Variants in SLIT2 observed in about 807,000 individuals in gnomAD.
SLIT2 encodes the protein slit homolog 2 protein.
Under a neutral mutation model 185.7 loss-of-function variants are expected in SLIT2, and 41 were observed. That is an observed-to-expected ratio of 0.22 (90% CI 0.17 to 0.29). SLIT2 has a LOEUF of 0.29. Among genes scored for constraint, SLIT2 ranks in the 10% least tolerant of loss-of-function variants. The pLI is 1.00. For missense variants in SLIT2, 1,571 were observed against 1,909.0 expected, an observed-to-expected ratio of 0.82 and a Z score of 3.30; for synonymous variants, 693 against 680.2, an observed-to-expected ratio of 1.02 and a Z score of -0.29.
At chr4:20,399,403 C>T (rs562972661) in intron 4 of SLIT2, among the ~76,000 whole-genome samples, 88 of 151,706 alleles carry the variant, frequency 5.8e-4, no homozygotes, top group Non-Finnish European at 1.1e-3. Context: ...TGTCCCTGGG[C>T]GAACCATAAA....
Position 20,542,527 on chromosome 4 carries a change from G to A in SLIT2, c.2177G>A (p.Arg726His), listed in dbSNP as rs762189011. Residue 726 changes from arginine to histidine, a missense_variant, in exon 21 of 37, where the codon CGC becomes CAC. By Grantham distance (29) the Arg-to-His change is conservative. This residue lies in a region of SLIT2 where 1,202 missense variants were observed against 1,416.4 expected (regional missense o/e 0.85). Coordinates refer to ENST00000504154, the MANE Select transcript of SLIT2 (RefSeq NM_004787.4). Reference sequence around the variant, plus strand: ...GACAATAGTTGCTCCCCACTTTCTCGCTGTCCTACTGAATGTACTTGCTTG... The same window carrying A: ...GACAATAGTTGCTCCCCACTTTCTCACTGTCCTACTGAATGTACTTGCTTG... ...NDDNSCSPLSRCPTECTCLDT... is the reference protein window; with the variant it reads ...NDDNSCSPLSHCPTECTCLDT... The A allele has an allele frequency of 3.1e-5, 50 of 1,613,382 alleles. No homozygotes were observed. The highest frequency in any genetic ancestry group is 8.3e-5 in the Admixed American group (5 of 59,942).
Position 20,419,955 on chromosome 4 carries a change from G to A in SLIT2, c.396-47797G>A, listed in dbSNP as rs1232330325. 3.3e-5 allele frequency among the ~76,000 whole-genome samples: 5 copies of A among 152,086 alleles called. No individual in the cohort carries two copies. In the East Asian group the frequency reaches 9.7e-4, roughly 30 times the overall value. On this transcript the variant is annotated intron_variant, in intron 4 of 36. Transcript: ENST00000504154. ...CACAGATTTAAAGTAAGTCAATGTG[G>A]AACATTAACATGGCTCATGCAGGTT...
At chr4:20,482,493 G>T (rs1381970308) in intron 6 of SLIT2, among the ~76,000 whole-genome samples, 1 of 151,838 alleles carries the variant, frequency 6.6e-6, no homozygotes, top group African/African-American at 2.4e-5. Context: ...TAATATCGTT[G>T]TCTTCAGAAG....
In SLIT2 at chr4:20,531,757, G is replaced by T. The variant is rs1173897379; in HGVS notation, c.1614-227G>T. 1.1e-4 allele frequency among the ~76,000 whole-genome samples: 16 copies of T among 140,692 alleles called. No homozygotes were observed. In the East Asian group the frequency reaches 2.6e-3, roughly 23 times the overall value. The allele number at this position is 140,692 out of a possible 152,430, so 92.3% of individuals were successfully genotyped here. A position where few individuals can be genotyped will look rare whatever the true frequency, so the allele number is the denominator to read the frequency against. On this transcript the variant is annotated intron_variant, in intron 16 of 36. Transcript: ENST00000504154. The stretch of plus-strand genomic sequence containing the variant: ...ACTGAGAGCTGGTTTTGATCTTTGT[G>T]TTTTTTTTTTTTTACTGTGTGCTTC...
At position 20,519,370 on chromosome 4, in the gene SLIT2, T is replaced by C. The variant is rs519813; in HGVS notation, c.1059-12T>C. ...GGTGTCTAATTTTTTTCATTTAAAA[T>C]ATTTTTTTCAGTGTCCTCTATGGAA... On this transcript the variant is annotated splice_polypyrimidine_tract_variant and intron_variant, in intron 11 of 36. Transcript: ENST00000504154. 0.88 allele frequency: 1,257,175 copies of C among 1,427,054 alleles called. 554,666 individuals are homozygous for C. Among genetic ancestry groups the C allele is most frequent in the East Asian group, 0.99 (43,378 of 43,828 alleles). The allele number at this position is 1,427,054 out of a possible 1,614,324, so 88.4% of individuals were successfully genotyped here.
intron 4 of SLIT2, among the ~76,000 whole-genome samples, chr4:20,279,075 T>C (rs1346053929): frequency 3.9e-5 from 6 of 151,984 alleles, no homozygotes; most frequent in Non-Finnish European, 8.8e-5. Flanking sequence ...TTAGATAAAC[T>C]CTCCAGGCTT....
chr4:20,370,820 G>C (rs1348420252), intron 4 of SLIT2, among the ~76,000 whole-genome samples: 1 of 152,110 alleles, frequency 6.6e-6, no homozygotes, highest in Admixed American at 6.6e-5. Flanking sequence ...CTGTAAAACA[G>C]AGGAAGTCCC....
intron 33 of SLIT2, among the ~76,000 whole-genome samples, chr4:20,600,564 G>A (rs980348947): frequency 1.3e-4 from 20 of 151,456 alleles, no homozygotes; most frequent in African/African-American, 3.4e-4. Flanking sequence ...CTGGGACTAC[G>A]GGCACCCACC....
chr4:20,328,446 C>G (rs1719777635), intron 4 of SLIT2, among the ~76,000 whole-genome samples: 1 of 151,954 alleles, frequency 6.6e-6, no homozygotes, highest in Admixed American at 6.6e-5. Flanking sequence ...AAGTACCAAA[C>G]TCCTAAAATT....
Position 20,307,976 on chromosome 4 carries a change from A to G in SLIT2, c.395+39095A>G, listed in dbSNP as rs76135749. ...TTGCTTTAGGAACTGCTGATTCTAC[A>G]TTGAATAAAATACTCTACTGTCTTT... On this transcript the variant is annotated intron_variant, in intron 4 of 36. Coordinates refer to ENST00000504154, the MANE Select transcript of SLIT2 (RefSeq NM_004787.4). Among the ~76,000 whole-genome samples the G allele has an allele frequency of 5.9e-3, 904 of 152,294 alleles. 1 individual carries two copies. The highest frequency in any genetic ancestry group is 8.5e-3 in the Non-Finnish European group (578 of 68,022).
intron 11 of SLIT2, among the ~76,000 whole-genome samples, chr4:20,519,032 T>G (rs575572835): frequency 6.6e-6 from 1 of 152,312 alleles, no homozygotes; most frequent in Admixed American, 6.5e-5. Flanking sequence ...CTTAGCATTC[T>G]TCTTTGTCAT....
chr4:20,515,112 G>T (rs1458550132), intron 11 of SLIT2, among the ~76,000 whole-genome samples: 1 of 152,182 alleles, frequency 6.6e-6, no homozygotes, highest in Non-Finnish European at 1.5e-5. Context: ...TAGGACACTA[G>T]GTGGCTGTGT....
rs746714075 is a variant in SLIT2 at position 20,539,564 on chromosome 4, T to C, written c.1956T>C (p.Thr652=). The C allele has an allele frequency of 8.9e-5, 143 of 1,611,218 alleles. No homozygotes were observed. The Admixed American group carries it at 2.2e-3, about 25-fold the overall frequency. The change falls in exon 19 of 37, where the codon ACT becomes ACC. Residue 652 remains threonine, a synonymous_variant. Coordinates refer to ENST00000504154, the MANE Select transcript of SLIT2 (RefSeq NM_004787.4). ...CAGTTGCACCAGGGGCATTTGATAC[T>C]CTCCATTCTTTATCTACTCTGTAAG... ...ITTVAPGAFD[T]LHSLSTLNLL...
intron 4 of SLIT2, among the ~76,000 whole-genome samples, chr4:20,448,215 A>C (rs989070851): frequency 1.3e-5 from 2 of 152,170 alleles, no homozygotes; most frequent in Non-Finnish European, 2.9e-5. Context: ...AAAGGTACTA[A>C]ATATACTGAT....
intron 26 of SLIT2, among the ~76,000 whole-genome samples, chr4:20,555,322 G>C (rs1724154237): frequency 6.6e-6 from 1 of 152,088 alleles, no homozygotes; most frequent in African/African-American, 2.4e-5. Flanking sequence ...AGGTAATGCT[G>C]TGCGGTGGGT....
chr4:20,396,781 G>A (rs933473425), intron 4 of SLIT2, among the ~76,000 whole-genome samples: 1 of 144,594 alleles, frequency 6.9e-6, no homozygotes, highest in African/African-American at 2.5e-5. Context: ...ATGCATATGT[G>A]GTTTTTTTTG....
chr4:20,359,223 T>C (rs919901036), intron 4 of SLIT2, among the ~76,000 whole-genome samples: 2 of 152,054 alleles, frequency 1.3e-5, no homozygotes, highest in African/African-American at 4.8e-5. Flanking sequence ...GAATGGGGTC[T>C]GGAGGGATGT....
chr4:20,300,344 G>A (rs920717874), intron 4 of SLIT2, among the ~76,000 whole-genome samples: 1 of 151,654 alleles, frequency 6.6e-6, no homozygotes, highest in Admixed American at 6.6e-5. Flanking sequence ...AATTATATAG[G>A]GTATATCTTA....
intron 21 of SLIT2, among the ~76,000 whole-genome samples, chr4:20,545,126 A>G (rs1375461187): frequency 6.6e-6 from 1 of 152,110 alleles, no homozygotes; most frequent in Non-Finnish European, 1.5e-5. Context: ...AAAAAATACC[A>G]ACTTCAACCT....
Sources: allele counts gnomAD v4.1 joint callset (sites outside exome capture counted in the v4.1 genomes callset), GRCh38; gene constraint gnomAD v4.1.1; regional missense constraint gnomAD v4.1.1; transcripts MANE v1.5; gene names NCBI Gene and HGNC (gene_info 2026-07-23, HGNC 2026-07-21).